The following POLK variants were observed in gnomAD, a reference collection of about 807,000 sequenced individuals.
POLK encodes DNA polymerase kappa.
In POLK, 76 loss-of-function variants were observed where a neutral mutation model predicts 94.0. The ratio of observed to expected loss-of-function variants is 0.81; its 90% CI spans 0.67 to 0.98. The LOEUF is 0.98. Among genes scored for constraint, POLK ranks in the 50% least tolerant of loss-of-function variants. The pLI is 0.00. For missense variants in POLK, 954 were observed against 1,010.1 expected (o/e 0.94, Z 0.75); for synonymous variants, 349 against 325.4 (o/e 1.07, Z -0.78).
At chr5:75,599,343 T>G (rs1225030606) in exon 15 of POLK, 2 of 152,144 alleles carry the variant, frequency 1.3e-5, no homozygotes, top group Non-Finnish European at 2.9e-5. Context: ...ATTTTTGTTT[T>G]CTCTCCCCTT....
downstream of POLK, among the ~76,000 whole-genome samples, chr5:75,605,936 T>G (rs1207329739): frequency 6.9e-6 from 1 of 144,468 alleles, no homozygotes; most frequent in African/African-American, 2.6e-5. Context: ...GAGAAAGAAA[T>G]AAGGGGAACC....
At chr5:75,511,236 G>A (rs766659631), upstream of POLK, 11 of 1,609,966 alleles carry the variant, frequency 6.8e-6, no homozygotes, top group Admixed American at 1.7e-5. Flanking sequence ...CAGGAGACCG[G>A]CCCCCGCTCC....
chr5:75,559,550 T>A (rs1319263706), intron 3 of POLK, among the ~76,000 whole-genome samples: 2 of 129,708 alleles, frequency 1.5e-5, no homozygotes, highest in Admixed American at 1.5e-4. Flanking sequence ...TTTTTTTTTT[T>A]AGAGACAGGG....
intron 5 of POLK, among the ~76,000 whole-genome samples, chr5:75,575,867 A>G (rs1771845436): frequency 1.3e-5 from 2 of 152,190 alleles, no homozygotes; most frequent in South Asian, 4.1e-4. Context: ...AGACAGTTTT[A>G]AAAGCTAAAT....
chr5:75,597,041 A>G, exon 13 of POLK: 1 of 1,613,850 alleles, frequency 6.2e-7, no homozygotes, highest in South Asian at 1.1e-5. Flanking sequence ...CCTGTTTGTA[A>G]CGTAGAACAA....
At chr5:75,607,296 G>GT in the POLK span, among the ~76,000 whole-genome samples, 1 of 151,930 alleles carries the variant, frequency 6.6e-6, no homozygotes, top group East Asian at 1.9e-4. Context: ...GTGAAACCCC[G>GT]TCTCTACTCA....
exon 9 of POLK, chr5:75,584,799 G>A (rs777198545): frequency 4.4e-6 from 7 of 1,577,512 alleles, no homozygotes; most frequent in Non-Finnish European, 4.3e-6. Context: ...AATGTTAAAG[G>A]CCCTTGGAAT....
intron 1 of POLK, among the ~76,000 whole-genome samples, chr5:75,519,245 A>C (rs1214374632): frequency 1.3e-5 from 2 of 152,214 alleles, no homozygotes; most frequent in Non-Finnish European, 2.9e-5. Flanking sequence ...TTGTGGTTAC[A>C]AAAGATATGT....
chr5:75,609,557 T>C, the POLK span: 1 of 152,238 alleles, frequency 6.6e-6, no homozygotes, highest in African/African-American at 2.4e-5. Flanking sequence ...GTATTTTCTT[T>C]TGATTTTTAG....
chr5:75,529,399 C>A (rs1769034478), intron 1 of POLK, among the ~76,000 whole-genome samples: 1 of 116,852 alleles, frequency 8.6e-6, no homozygotes, highest in Non-Finnish European at 1.9e-5. Context: ...ACCCCCATGA[C>A]CCAAACACCT....
At chr5:75,527,639 T>C (rs912325006) in intron 1 of POLK, among the ~76,000 whole-genome samples, 2 of 152,122 alleles carry the variant, frequency 1.3e-5, no homozygotes, top group Admixed American at 1.3e-4. Flanking sequence ...ACTGTTGACA[T>C]ACCTGCTTTT....
chr5:75,535,026 T>C (rs1469575395), intron 1 of POLK: 1 of 152,230 alleles, frequency 6.6e-6, no homozygotes, highest in Non-Finnish European at 1.5e-5. Context: ...TATGAAGACT[T>C]GTTTGTGTTG....
At chr5:75,591,977 G>A (rs767677) in intron 11 of POLK, among the ~76,000 whole-genome samples, 4 of 152,172 alleles carry the variant, frequency 2.6e-5, no homozygotes, top group Admixed American at 2.6e-4. Context: ...TGTGAAGTTA[G>A]TGTTTTTCCC....
chr5:75,542,665 A>T (rs1332709587), intron 1 of POLK, among the ~76,000 whole-genome samples: 1 of 148,304 alleles, frequency 6.7e-6, no homozygotes, highest in African/African-American at 2.5e-5. Flanking sequence ...ATATATATAT[A>T]CACATATATA....
At chr5:75,599,027 G>A (rs943291407) in exon 15 of POLK, 2 of 151,882 alleles carry the variant, frequency 1.3e-5, no homozygotes, top group African/African-American at 4.8e-5. Context: ...GATCACTTGA[G>A]GTCAGGAGTT....
downstream of POLK, among the ~76,000 whole-genome samples, chr5:75,605,118 TACACACACACACACACACAC>T (rs3842052): frequency 3.4e-5 from 5 of 146,740 alleles, no homozygotes; most frequent in African/African-American, 1.3e-4. Flanking sequence ...TGTATACACA[TACACACACACACACACACAC>T]ACACACACAC....
chr5:75,534,137 A>G (rs1012534805), intron 1 of POLK, among the ~76,000 whole-genome samples: 1 of 152,004 alleles, frequency 6.6e-6, no homozygotes, highest in African/African-American at 2.4e-5. Context: ...ATGGTGGTGC[A>G]TGCCTGTAGT....
intron 3 of POLK, among the ~76,000 whole-genome samples, chr5:75,560,709 C>T (rs978481741): frequency 6.6e-6 from 1 of 152,118 alleles, no homozygotes; most frequent in Non-Finnish European, 1.5e-5. Flanking sequence ...TGATATTCCC[C>T]TCCCTGTGCC....
chr5:75,539,210 A>G (rs1395637206), intron 1 of POLK, among the ~76,000 whole-genome samples: 1 of 151,908 alleles, frequency 6.6e-6, no homozygotes, highest in Non-Finnish European at 1.5e-5. Context: ...TTATGTTTCT[A>G]AATCATTTTG....
Sources: allele counts gnomAD v4.1 joint callset (sites outside exome capture counted in the v4.1 genomes callset), GRCh38; gene constraint gnomAD v4.1.1; transcripts MANE v1.5; gene names NCBI Gene and HGNC (gene_info 2026-07-23, HGNC 2026-07-21).